SSX3: variants seen among roughly 807,000 people sequenced by gnomAD.
The protein encoded by SSX3 is SSX family member 3, also known as protein SSX3.
SSX3 carries 6 observed loss-of-function variants against 14.8 expected under a neutral mutation model. The observed-to-expected ratio is 0.41, with a 90% CI of 0.22 to 0.80. The LOEUF (loss-of-function observed/expected upper bound fraction) is 0.80. SSX3 is among the 30% of genes least tolerant of loss of function. The probability of loss-of-function intolerance (pLI) is 0.34; values close to 1 mark genes in which losing one functional copy is unlikely to be tolerated. For missense variants in SSX3, 163 were observed against 152.2 expected (o/e 1.07, Z -0.37); for synonymous variants, 55 against 52.9 (o/e 1.04, Z -0.18).
chrX:48,354,885 C>T, intron 2 of SSX3, 139 bp from the exon 3 acceptor site: 2 of 1,188,235 alleles, frequency 1.7e-6, no homozygotes, highest in Non-Finnish European at 2.3e-6. Flanking sequence ...ACTGACAGAA[C>T]ATGAGGGACC....
rs201462529 is a variant in SSX3 at position 48,354,764 on chromosome X, A to G, written c.70-18T>C. The G allele has an allele frequency of 8.6e-3, 10,197 of 1,184,022 alleles. 27 individuals are homozygous for G. The highest frequency in any genetic ancestry group is 0.01 in the Middle Eastern group (44 of 4,232). On this transcript the variant is annotated intron_variant, in intron 2 of 7. Coordinates refer to ENST00000298396, the MANE Select transcript of SSX3 (RefSeq NM_021014.4). Reference sequence around the variant, plus strand: ...TCGAAGGCCTACAAAAAAAAAAAAAAGGAATTATGGCAGGGACTCAGCTAG... The same window carrying G: ...TCGAAGGCCTACAAAAAAAAAAAAAGGGAATTATGGCAGGGACTCAGCTAG...
intron 4 of SSX3, among the ~76,000 whole-genome samples, chrX:48,353,014 T>C (rs1330681944): frequency 8.9e-6 from 1 of 111,737 alleles, no homozygotes; most frequent in African/African-American, 3.2e-5. Context: ...CAGCGATCTT[T>C]ATTACATAAT....
intron 5 of SSX3, among the ~76,000 whole-genome samples, chrX:48,350,637 A>C (rs1466011470): frequency 1.8e-5 from 2 of 111,215 alleles, no homozygotes; most frequent in East Asian, 5.6e-4. Context: ...GGCAGCAAAC[A>C]AAGCAGTACC....
Position 48,354,147 on chromosome X carries a change from G to A in SSX3, c.185-53C>T, listed in dbSNP as rs2061275292. 1.3e-5 allele frequency: 14 copies of A among 1,052,025 alleles called. No homozygotes were observed. In the South Asian group the frequency reaches 1.9e-4, roughly 14 times the overall value. 86.7% of individuals were successfully genotyped at this position (1,052,025 alleles called of 1,213,427 possible). A position where few individuals can be genotyped will look rare whatever the true frequency, so the allele number is the denominator to read the frequency against. On this transcript the variant is annotated intron_variant, in intron 3 of 7. Coordinates refer to ENST00000298396, the MANE Select transcript of SSX3 (RefSeq NM_021014.4). ...TAAGAGACAAGCTTGGGCCTGGTAC[G>A]GTGGCTCATGTCTGTAGTACCAACA...
intron 6 of SSX3, chrX:48,348,312 T>G (rs782056631): frequency 4.0e-6 from 2 of 505,079 alleles, no homozygotes; most frequent in East Asian, 7.5e-5. Context: ...CCCTGTTGTG[T>G]GTAATTGTTT....
In SSX3 at chrX:48,350,012, G is replaced by A; in HGVS notation, c.441C>T (p.Thr147=). ...KQLCPPGKPT[T]SEKINMISGP... is the part of the protein sequence containing the mutation. The stretch of plus-strand genomic sequence containing the variant: ...CAGATATCATGTTAATCTTCTCAGA[G>A]GTAGTTGGTTTTCCCGGGGGGCACA... The change falls in exon 6 of 8, where the codon ACC becomes ACT. Residue 147 remains threonine (T), a synonymous_variant. Coordinates refer to ENST00000298396, the MANE Select transcript of SSX3 (RefSeq NM_021014.4). 8.3e-7 allele frequency: 1 copy of A among 1,211,722 alleles called. No individual in the cohort carries two copies. The highest frequency in any genetic ancestry group is 1.1e-6 in the Non-Finnish European group (1 of 895,518).
At chrX:48,350,609 C>T (rs1307658955) in intron 5 of SSX3, among the ~76,000 whole-genome samples, 2 of 110,262 alleles carry the variant, frequency 1.8e-5, no homozygotes, top group African/African-American at 3.3e-5. Context: ...AAATAAATGG[C>T]TTGCTGAAAT....
intron 6 of SSX3, chrX:48,349,755 G>A (rs1488298765): frequency 1.2e-5 from 14 of 1,131,633 alleles, no homozygotes; most frequent in Admixed American, 9.5e-5. Flanking sequence ...CTAGGAACCT[G>A]GAGCTGAGGA....
chrX:48,350,815 G>C (rs1295892637), intron 5 of SSX3, among the ~76,000 whole-genome samples: 1 of 102,793 alleles, frequency 9.7e-6, no homozygotes, highest in Non-Finnish European at 2.0e-5. Context: ...TGTGTCGCCA[G>C]AATGGGGAGC....
rs1450557345 is a variant in SSX3, at chrX:48,352,218, G to A, written c.281-69C>T. The A allele has an allele frequency of 4.6e-5, 51 of 1,111,356 alleles. No homozygotes were observed. The Middle Eastern group carries it at 1.7e-3, about 37-fold the overall frequency. The allele number at this position is 1,111,356 out of a possible 1,213,427, so 91.6% of individuals were successfully genotyped here. ...TCCAAACTCTAGAGAGACTTCTGTC[G>A]CATCAGGGTATTCTGCAGCAGAGGC... On this transcript the variant is annotated intron_variant, in intron 4 of 7. Transcript: ENST00000298396.
At chrX:48,352,217 C>A (rs1248129754) in intron 4 of SSX3, 68 bp from the exon 5 acceptor site, 25 of 1,114,182 alleles carry the variant, frequency 2.2e-5, no homozygotes, top group Admixed American at 8.8e-5. Context: ...AGACTTCTGT[C>A]GCATCAGGGT....
intron 6 of SSX3, 158 bp downstream of exon 6, chrX:48,349,829 C>A: frequency 1.8e-6 from 2 of 1,142,439 alleles, no homozygotes; most frequent in Non-Finnish European, 2.3e-6. Flanking sequence ...TCCAGTCTGT[C>A]TCTGGAAGTC....
At chrX:48,350,680 T>C (rs183757815) in intron 5 of SSX3, among the ~76,000 whole-genome samples, 5 of 111,111 alleles carry the variant, frequency 4.5e-5, no homozygotes, top group East Asian at 2.8e-4. Flanking sequence ...GAGGCACCAA[T>C]TGAATGTGGA....
chrX:48,355,916 C>T (rs1211707401), intron 1 of SSX3, among the ~76,000 whole-genome samples: 10 of 111,943 alleles, frequency 8.9e-5, no homozygotes, highest in Non-Finnish European at 1.5e-4. Context: ...GTGGCTCAGG[C>T]CTGTAATCCC....
intron 4 of SSX3, among the ~76,000 whole-genome samples, chrX:48,352,760 T>A (rs1261299253): frequency 8.9e-6 from 1 of 112,220 alleles, no homozygotes; most frequent in East Asian, 2.8e-4. Context: ...TATAATTATG[T>A]TGTCAGAGTA....
Position 48,354,112 on chromosome X carries a change from G to T in SSX3, c.185-18C>A. 8.5e-7 allele frequency: 1 copy of T among 1,174,605 alleles called. No individual in the cohort carries two copies. Among genetic ancestry groups the T allele is most frequent in the Non-Finnish European group, 1.2e-6 (1 of 863,458 alleles). Reference sequence around the variant, plus strand: ...CTTGAAACCTAGAAAGAAGCAAAATGTTTATTCCTTAAGAGACAAGCTTGG... The same window carrying T: ...CTTGAAACCTAGAAAGAAGCAAAATTTTTATTCCTTAAGAGACAAGCTTGG... On this transcript the variant is annotated intron_variant, in intron 3 of 7. Transcript: ENST00000298396.
Position 48,346,605 on chromosome X carries a change from G to A in SSX3, c.*435C>T, listed in dbSNP as rs1365981665. 3.4e-6 allele frequency: 1 copy of A among 297,286 alleles called. No homozygotes were observed. Among genetic ancestry groups the A allele is most frequent in the Non-Finnish European group, 6.1e-6 (1 of 165,060 alleles). The allele number at this position is 297,286 out of a possible 1,213,427, so 24.5% of individuals were successfully genotyped here. On this transcript the variant is annotated 3_prime_UTR_variant, in exon 8 of 8. Coordinates refer to ENST00000298396, the MANE Select transcript of SSX3 (RefSeq NM_021014.4). ...TGTGTGTCTGTGTGTGTGTGTGTGTGTGTGTGGTGTGGTTTGTGTGTGTGT... is the reference window on the plus strand; with the variant it reads ...TGTGTGTCTGTGTGTGTGTGTGTGTATGTGTGGTGTGGTTTGTGTGTGTGT...
intron 1 of SSX3, among the ~76,000 whole-genome samples, chrX:48,356,391 A>G (rs2061287791): frequency 9.0e-6 from 1 of 111,034 alleles, no homozygotes; most frequent in Admixed American, 9.6e-5. Flanking sequence ...AGGGATTACA[A>G]GTGTAAGCCA....
At chrX:48,349,735 A>G (rs2061253811) in intron 6 of SSX3, 5 of 1,138,385 alleles carry the variant, frequency 4.4e-6, no homozygotes, top group Non-Finnish European at 4.6e-6. Context: ...CTTTATTTCC[A>G]TCTTATGGAC....
Sources: gnomAD v4.1 joint callset for allele counts (sites outside exome capture counted in the v4.1 genomes callset) on GRCh38, gnomAD v4.1.1 for gene constraint, MANE v1.5 for transcripts, NCBI Gene and HGNC (gene_info 2026-07-23, HGNC 2026-07-21) for gene names.